The following CTTNBP2 variants were observed in gnomAD, a reference collection of about 807,000 sequenced individuals.
CTTNBP2 encodes the protein cortactin-binding protein 2.
Under a neutral mutation model 156.9 loss-of-function variants are expected in CTTNBP2, and 108 were observed. That is an observed-to-expected ratio of 0.69 (90% CI 0.59 to 0.81). The LOEUF (loss-of-function observed/expected upper bound fraction) is 0.81. Ranked by LOEUF, CTTNBP2 falls within the 30% of genes least tolerant of loss-of-function variation. The probability of loss-of-function intolerance (pLI) is 0.00; values close to 1 mark genes in which losing one functional copy is unlikely to be tolerated. For synonymous variants in CTTNBP2, 767 were observed against 751.8 expected (o/e 1.02, Z -0.33); for missense variants, 1,924 against 2,035.4 (o/e 0.95, Z 1.05).
chr7:117,729,097 T>G (rs1795264653), intron 16 of CTTNBP2, among the ~76,000 whole-genome samples: 1 of 152,192 alleles, frequency 6.6e-6, no homozygotes, highest in Non-Finnish European at 1.5e-5. Context: ...CAGGGAAACG[T>G]TACTTTTTCT....
chr7:117,760,332 T>C (rs1797133617), intron 10 of CTTNBP2, 103 bp downstream of exon 10: 5 of 1,176,868 alleles, frequency 4.2e-6, no homozygotes, highest in African/African-American at 1.5e-5. Context: ...ACAAGTAAGC[T>C]TTGAATGTGC....
intron 2 of CTTNBP2, among the ~76,000 whole-genome samples, chr7:117,827,200 C>T (rs534040300): frequency 6.6e-6 from 1 of 152,282 alleles, no homozygotes; most frequent in Non-Finnish European, 1.5e-5. Flanking sequence ...CAAAATAAGG[C>T]TTCTGAAGAA....
At chr7:117,735,197 T>C in intron 15 of CTTNBP2, 72 bp downstream of exon 15, 4 of 1,587,926 alleles carry the variant, frequency 2.5e-6, no homozygotes, top group Non-Finnish European at 3.4e-6. Flanking sequence ...GTATAACTGG[T>C]ACTCTGGGAA....
chr7:117,864,990 A>G (rs894616566), intron 1 of CTTNBP2, among the ~76,000 whole-genome samples: 47 of 141,352 alleles, frequency 3.3e-4, no homozygotes, highest in African/African-American at 1.2e-3. Flanking sequence ...ATATTCATAT[A>G]TATATGAAGT....
At chr7:117,741,158 T>A (rs1047842937) in intron 14 of CTTNBP2, among the ~76,000 whole-genome samples, 2 of 152,092 alleles carry the variant, frequency 1.3e-5, no homozygotes, top group Admixed American at 6.5e-5. Context: ...TATGAAAGGT[T>A]AATGATGAGG....
chr7:117,812,801 G>A lies in CTTNBP2; in HGVS notation c.190-1812C>T, dbSNP rs889545526. On this transcript the variant is annotated intron_variant, in intron 2 of 22. Transcript: ENST00000160373. Reference sequence around the variant, plus strand: ...TTCTCCCACCCTTGGATTAACACTTGGATAATTCTATGTTTTTTCCTAATC... The same window carrying A: ...TTCTCCCACCCTTGGATTAACACTTAGATAATTCTATGTTTTTTCCTAATC... 2.6e-5 allele frequency among the ~76,000 whole-genome samples: 4 copies of A among 152,032 alleles called. No homozygotes were observed. In the East Asian group the frequency reaches 7.7e-4, roughly 29 times the overall value.
chr7:117,794,447 TA>T (rs1394642284), intron 3 of CTTNBP2, among the ~76,000 whole-genome samples: 2 of 152,324 alleles, frequency 1.3e-5, no homozygotes, highest in East Asian at 3.9e-4. Context: ...CTGTAGATGT[TA>T]AACACAAATA....
chr7:117,777,802 C>G (rs1453914632), intron 7 of CTTNBP2, 37 bp from the exon 8 acceptor site: 1 of 1,577,822 alleles, frequency 6.3e-7, no homozygotes, highest in South Asian at 1.1e-5. Flanking sequence ...GGGTTGATAA[C>G]AACATTAATG....
intron 10 of CTTNBP2, among the ~76,000 whole-genome samples, chr7:117,759,556 T>A (rs1477264854): frequency 6.6e-6 from 1 of 152,236 alleles, no homozygotes; most frequent in Non-Finnish European, 1.5e-5. Flanking sequence ...TGTAACAATC[T>A]GACAGATAAA....
At chr7:117,746,166 C>A (rs371160981) in intron 12 of CTTNBP2, 67 bp from the exon 13 acceptor site, 3 of 1,058,402 alleles carry the variant, frequency 2.8e-6, no homozygotes, top group South Asian at 2.7e-5. Flanking sequence ...AAGTGGTACA[C>A]AGGTGTGGAA....
intron 2 of CTTNBP2, among the ~76,000 whole-genome samples, chr7:117,816,697 G>A (rs1047992975): frequency 6.6e-6 from 1 of 152,052 alleles, no homozygotes; most frequent in Non-Finnish European, 1.5e-5. Flanking sequence ...CTTGTAAAAA[G>A]TTTACTGCTC....
intron 10 of CTTNBP2, among the ~76,000 whole-genome samples, chr7:117,758,916 T>C (rs1193486485): frequency 1.3e-5 from 2 of 152,156 alleles, no homozygotes; most frequent in Non-Finnish European, 2.9e-5. Context: ...TGAATATCCA[T>C]CTGCCTTTGT....
At chr7:117,843,621 A>G (rs1046077761) in intron 2 of CTTNBP2, among the ~76,000 whole-genome samples, 1 of 152,204 alleles carries the variant, frequency 6.6e-6, no homozygotes, top group Non-Finnish European at 1.5e-5. Flanking sequence ...TGCAGCCTTG[A>G]GGCCACAGAA....
chr7:117,831,437 G>C (rs1801606239), intron 2 of CTTNBP2, among the ~76,000 whole-genome samples: 1 of 152,020 alleles, frequency 6.6e-6, no homozygotes, highest in African/African-American at 2.4e-5. Context: ...GGAGGATAAG[G>C]AGTGTAGTGA....
At chr7:117,814,240 T>C (rs1015895335) in intron 2 of CTTNBP2, among the ~76,000 whole-genome samples, 4 of 30,356 alleles carry the variant, frequency 1.3e-4, no homozygotes, top group Admixed American at 1.3e-3. Context: ...TCAAAAAGCA[T>C]TTAATTCTTT....
At chr7:117,826,145 C>G (rs1417175420) in intron 2 of CTTNBP2, among the ~76,000 whole-genome samples, 1 of 152,108 alleles carries the variant, frequency 6.6e-6, no homozygotes, top group Non-Finnish European at 1.5e-5. Flanking sequence ...CTTTGAGGGC[C>G]AAGAACTATG....
intron 1 of CTTNBP2, chr7:117,871,844 T>TCACA (rs71150640): frequency 0.016 from 4,933 of 308,996 alleles, 248 homozygotes; most frequent in African/African-American, 0.1. Flanking sequence ...TCCTTCCCCT[T>TCACA]CACACACACA....
intron 16 of CTTNBP2, among the ~76,000 whole-genome samples, chr7:117,729,057 A>G (rs1795261141): frequency 6.6e-6 from 1 of 152,204 alleles, no homozygotes; most frequent in Non-Finnish European, 1.5e-5. Flanking sequence ...AGGGAGAAGG[A>G]GGGTAGAGCT....
intron 16 of CTTNBP2, among the ~76,000 whole-genome samples, chr7:117,730,795 G>T (rs1795356591): frequency 6.6e-6 from 1 of 151,704 alleles, no homozygotes; most frequent in Admixed American, 6.6e-5. Flanking sequence ...GAGAACCCAG[G>T]TTTCCTGAGA....
Sources: allele counts gnomAD v4.1 joint callset (sites outside exome capture counted in the v4.1 genomes callset), GRCh38; gene constraint gnomAD v4.1.1; transcripts MANE v1.5; gene names NCBI Gene and HGNC (gene_info 2026-07-23, HGNC 2026-07-21).